The following MCM10 variants were observed in gnomAD, a reference collection of about 807,000 sequenced individuals.
MCM10 encodes the protein protein MCM10 homolog.
Under a neutral mutation model 109.9 loss-of-function variants are expected in MCM10, and 91 were observed. The ratio of observed to expected loss-of-function variants is 0.83; its 90% CI spans 0.70 to 0.99. The LOEUF is 0.99. Ranked by LOEUF, MCM10 falls within the 50% of genes least tolerant of loss-of-function variation. The probability of loss-of-function intolerance (pLI) is 0.00; values close to 1 mark genes in which losing one functional copy is unlikely to be tolerated. For missense variants in MCM10, 1,077 were observed against 1,061.2 expected (o/e 1.01, Z -0.21); for synonymous variants, 380 against 387.2 (o/e 0.98, Z 0.22).
At chr10:13,166,778 A>C (rs992765775) in intron 2 of MCM10, among the ~76,000 whole-genome samples, 5 of 151,118 alleles carry the variant, frequency 3.3e-5, no homozygotes, top group African/African-American at 1.2e-4. Context: ...AAGCGAATGA[A>C]TTGAGGAAGT....
chr10:13,184,476 C>T lies in MCM10; in HGVS notation c.1098+1376C>T, dbSNP rs192362040. On this transcript the variant is annotated intron_variant, in intron 8 of 19. Transcript: ENST00000378714. ...CTCTAGGAAATTGCAAATCTAGACA[C>T]AGTGTGAATAGCAACTGGCAGTTTC... Among the ~76,000 whole-genome samples, 1,103 of 152,302 alleles carry T rather than the reference C, an allele frequency of 7.2e-3. 14 individuals are homozygous for T. The highest frequency in any genetic ancestry group is 0.047 in the South Asian group (229 of 4,826).
intron 5 of MCM10, among the ~76,000 whole-genome samples, chr10:13,175,013 A>G (rs1193009277): frequency 6.6e-6 from 1 of 152,156 alleles, no homozygotes; most frequent in Non-Finnish European, 1.5e-5. Context: ...CTGTAATCCC[A>G]GCTACTTGGG....
intron 17 of MCM10, among the ~76,000 whole-genome samples, chr10:13,203,942 A>G (rs924958644): frequency 4.6e-5 from 7 of 152,152 alleles, no homozygotes; most frequent in Admixed American, 3.9e-4. Context: ...TGCTGTTGTC[A>G]TCATGGAACG....
intron 9 of MCM10, among the ~76,000 whole-genome samples, chr10:13,187,347 T>C (rs1588472904): frequency 1.3e-5 from 2 of 152,360 alleles, no homozygotes; most frequent in East Asian, 3.9e-4. Flanking sequence ...TTCCATTGTA[T>C]GGATATACCA....
intron 19 of MCM10, 32 bp from the exon 20 acceptor site, chr10:13,209,195 C>A: frequency 6.2e-7 from 1 of 1,601,938 alleles, no homozygotes; most frequent in Non-Finnish European, 8.6e-7. Context: ...AATGTGGAAC[C>A]ATCTCCTATT....
intron 11 of MCM10, among the ~76,000 whole-genome samples, 193 bp from the exon 12 acceptor site, chr10:13,192,062 T>C (rs2053444360): frequency 6.6e-6 from 1 of 152,140 alleles, no homozygotes; most frequent in South Asian, 2.1e-4. Flanking sequence ...AGAAATAAAA[T>C]ATAGTCGAGA....
chr10:13,177,508 C>CTTTTTTTTTTTTTT (rs60316855), intron 6 of MCM10, among the ~76,000 whole-genome samples: 5 of 105,266 alleles, frequency 4.7e-5, no homozygotes, highest in Admixed American at 1.1e-4. Flanking sequence ...GATTTTGGAG[C>CTTTTTTTTTTTTTT]TTTTTTTTTT....
intron 2 of MCM10, among the ~76,000 whole-genome samples, chr10:13,166,676 ATATATATAT>A (rs1564379615): frequency 7.1e-6 from 1 of 140,590 alleles, no homozygotes; most frequent in Admixed American, 7.0e-5. Flanking sequence ...ATATATATAT[ATATATATAT>A]ATATCATCAG....
intron 5 of MCM10, among the ~76,000 whole-genome samples, chr10:13,173,310 A>C (rs921657927): frequency 6.6e-6 from 1 of 152,120 alleles, no homozygotes; most frequent in African/African-American, 2.4e-5. Flanking sequence ...GTAGTAAGTA[A>C]AGCCACTGGT....
At chr10:13,209,199 T>G in intron 19 of MCM10, 28 bp from the exon 20 acceptor site, 9 of 1,605,068 alleles carry the variant, frequency 5.6e-6, no homozygotes, top group Non-Finnish European at 7.7e-6. Context: ...TGGAACCATC[T>G]CCTATTAAAA....
Position 13,195,232 on chromosome 10 carries a change from C to G in MCM10, c.1937C>G (p.Pro646Arg), listed in dbSNP as rs1352217634. The G allele has an allele frequency of 1.9e-6, 3 of 1,610,166 alleles. No individual in the cohort carries two copies. The East Asian group carries it at 6.7e-5, about 36-fold the overall frequency. The change falls in exon 14 of 20, where the codon CCA (proline) becomes CGA (arginine). Residue 646 changes from proline to arginine, a missense_variant. Transcript: ENST00000378714. ...CTCTTTTATGATGAGTCACCACCAC[C>G]AAGACCAAAACTGAGTGCTTTAGCA... ...DVLFYDESPP[P>R]RPKLSALAEA...
chr10:13,207,569 TGAGA>T (rs1834600025), intron 18 of MCM10, among the ~76,000 whole-genome samples: 1 of 152,056 alleles, frequency 6.6e-6, no homozygotes, highest in African/African-American at 2.4e-5. Context: ...TCCCACAAGT[TGAGA>T]GAGGGACTCA....
At position 13,172,457 on chromosome 10, in the gene MCM10, C is replaced by T. The variant is rs921312452; in HGVS notation, c.431C>T (p.Pro144Leu). The change falls in exon 4 of 20, where the codon CCA becomes CTA. Residue 144 changes from proline to leucine, a missense_variant. Physicochemically the swap from Pro to Leu is moderately conservative, Grantham distance 98. Transcript: ENST00000378714. The surrounding 1 kb of genome is among the most constrained non-coding windows in gnomAD (Gnocchi z 5.2). Reference sequence around the variant, plus strand: ...ACAACAATTAAACAGACAGCAAGCCCAGCCCGTCTGCAAAAATCCCCTGGT... The same window carrying T: ...ACAACAATTAAACAGACAGCAAGCCTAGCCCGTCTGCAAAAATCCCCTGGT... Reference protein sequence around the residue: ...KVTTIKQTASPARLQKSPEKS... With the variant: ...KVTTIKQTASLARLQKSPEKS... The T allele has an allele frequency of 3.7e-5, 60 of 1,614,018 alleles. No homozygotes were observed. Among genetic ancestry groups the T allele is most frequent in the Non-Finnish European group, 4.7e-5 (55 of 1,180,032 alleles).
Position 13,175,500 on chromosome 10 carries a change from A to T in MCM10, c.593-10A>T. On this transcript the variant is annotated splice_polypyrimidine_tract_variant and intron_variant, in intron 5 of 19. Transcript: ENST00000378714. ...TGGTTGCCTTTTCATTAATTGTGTT[A>T]ATTTTCTAGATCCCAAAAGCTCATC... 2 of 1,612,572 alleles carry T rather than the reference A, an allele frequency of 1.2e-6. No homozygotes were observed. The highest frequency in any genetic ancestry group is 1.1e-5 in the South Asian group (1 of 91,002).
At position 13,172,056 on chromosome 10, in the gene MCM10, G is replaced by A. The variant is rs140766584; in HGVS notation, c.350-320G>A. On this transcript the variant is annotated intron_variant, in intron 3 of 19. Coordinates refer to ENST00000378714, the MANE Select transcript of MCM10 (RefSeq NM_018518.5). The surrounding 1 kb of genome is among the most constrained non-coding windows in gnomAD (Gnocchi z 5.2). ...CCCAAAATGCTGTGATTACAGGCAC[G>A]AGCCACCATGCCTGGCCTATAATTA... Among the ~76,000 whole-genome samples, 405 of 152,100 alleles carry A rather than the reference G, an allele frequency of 2.7e-3. 2 individuals carry two copies. The highest frequency in any genetic ancestry group is 9.3e-3 in the African/African-American group (384 of 41,508).
At position 13,206,119 on chromosome 10, in the gene MCM10, G is replaced by A. The variant is rs60595119; in HGVS notation, c.2498+1755G>A. Among the ~76,000 whole-genome samples, 176 of 152,292 alleles carry A rather than the reference G, an allele frequency of 1.2e-3. 1 individual carries two copies. The highest frequency in any genetic ancestry group is 3.9e-3 in the African/African-American group (164 of 41,558). On this transcript the variant is annotated intron_variant, in intron 18 of 19. Transcript: ENST00000378714. Reference sequence around the variant, plus strand: ...TCCTCTTGTTAATTTTCTTGTGAACGTGTACTGCTTGCTCTGCAGCCGTTT... The same window carrying A: ...TCCTCTTGTTAATTTTCTTGTGAACATGTACTGCTTGCTCTGCAGCCGTTT...
chr10:13,204,556 C>G (rs961617792), intron 18 of MCM10, 192 bp downstream of exon 18: 6 of 613,982 alleles, frequency 9.8e-6, no homozygotes, highest in Non-Finnish European at 1.4e-5. Context: ...ACTGCTGTCC[C>G]CAACACCTAA....
chr10:13,192,276 C>G lies in MCM10; in HGVS notation c.1538C>G (p.Ser513Cys), dbSNP rs1298584936. ...ACAGGAATACCCCAGAAGAGCCTGT[C>G]TTGCTCTGAGGAGTTCAAGGAACTG... ...QKLGIPQKSLSCSEEFKELMD... is the reference protein window; with the variant it reads ...QKLGIPQKSLCCSEEFKELMD... Residue 513 changes from serine to cysteine, a missense_variant, in exon 12 of 20, where the codon TCT becomes TGT. Coordinates refer to ENST00000378714, the MANE Select transcript of MCM10 (RefSeq NM_018518.5). 1 of 1,613,978 alleles carries G rather than the reference C, an allele frequency of 6.2e-7. No homozygotes were observed. The highest frequency in any genetic ancestry group is 8.5e-7 in the Non-Finnish European group (1 of 1,179,860).
At chr10:13,167,210 A>G (rs944564849) in intron 2 of MCM10, among the ~76,000 whole-genome samples, 2 of 152,240 alleles carry the variant, frequency 1.3e-5, no homozygotes, top group African/African-American at 4.8e-5. Flanking sequence ...TTCACCAGCC[A>G]GGGAGCTGAG....
Sources: gnomAD v4.1 joint callset for allele counts (sites outside exome capture counted in the v4.1 genomes callset) on GRCh38, gnomAD v4.1.1 for gene constraint, Gnocchi (gnomAD v3.1) non-coding constraint, MANE v1.5 for transcripts, NCBI Gene and HGNC (gene_info 2026-07-23, HGNC 2026-07-21) for gene names.